The following PRKDC variants were observed in gnomAD, a reference collection of about 807,000 sequenced individuals.
The protein encoded by PRKDC is DNA-dependent protein kinase catalytic subunit.
PRKDC carries 82 observed loss-of-function variants against 486.9 expected under a neutral mutation model. That is an observed-to-expected ratio of 0.17 (90% CI 0.14 to 0.20). The LOEUF (loss-of-function observed/expected upper bound fraction) is 0.20. PRKDC is among the 10% of genes least tolerant of loss of function. The pLI is 1.00. For synonymous variants in PRKDC, 1,895 were observed against 1,837.0 expected (o/e 1.03, Z -0.81); for missense variants, 4,504 against 5,038.2 (o/e 0.89, Z 3.21).
intron 21 of PRKDC, among the ~76,000 whole-genome samples, chr8:47,918,915 T>G (rs2090030852): frequency 6.6e-6 from 1 of 152,112 alleles, no homozygotes; most frequent in African/African-American, 2.4e-5. Flanking sequence ...GTGAGCTTGA[T>G]GAGGAACAAG....
chr8:47,778,399 G>A (rs1013328083), intron 83 of PRKDC, 60 bp downstream of exon 83: 2 of 1,530,446 alleles, frequency 1.3e-6, no homozygotes, highest in Admixed American at 2.0e-5. Context: ...TCTGGAGGTT[G>A]TTGAAAGTCC....
intron 22 of PRKDC, among the ~76,000 whole-genome samples, chr8:47,917,302 C>T (rs970400461): frequency 6.6e-6 from 1 of 151,940 alleles, no homozygotes; most frequent in Non-Finnish European, 1.5e-5. Context: ...ATTTGTAAAA[C>T]TAGAGATATA....
At chr8:47,779,586 C>T (rs2154497395) in intron 80 of PRKDC, among the ~76,000 whole-genome samples, 1 of 152,274 alleles carries the variant, frequency 6.6e-6, no homozygotes, top group Admixed American at 6.5e-5. Flanking sequence ...ACCACTTCCA[C>T]ATCTTTTTCT....
intron 21 of PRKDC, among the ~76,000 whole-genome samples, chr8:47,921,954 T>C (rs1363756707): frequency 1.3e-5 from 2 of 152,056 alleles, no homozygotes; most frequent in Non-Finnish European, 1.5e-5. Flanking sequence ...ATAATTTTTG[T>C]ATTTTTAGTA....
At chr8:47,830,524 C>T in intron 61 of PRKDC, 81 bp downstream of exon 61, 1 of 1,550,976 alleles carries the variant, frequency 6.4e-7, no homozygotes, top group South Asian at 1.2e-5. Flanking sequence ...CAGCCTCAGC[C>T]ATGTTTCCTC....
At chr8:47,889,561 G>A (rs2089412603) in intron 32 of PRKDC, among the ~76,000 whole-genome samples, 1 of 152,206 alleles carries the variant, frequency 6.6e-6, no homozygotes, top group African/African-American at 2.4e-5. Context: ...TGCATCCCAG[G>A]GCCTGGCGTG....
intron 32 of PRKDC, among the ~76,000 whole-genome samples, chr8:47,889,916 C>T (rs1393944977): frequency 2.0e-5 from 3 of 152,080 alleles, no homozygotes; most frequent in East Asian, 1.9e-4. Context: ...GTAACAGATA[C>T]GTTAATTAGC....
At position 47,923,472 on chromosome 8, in the gene PRKDC, C is replaced by T. The variant is rs370089473; in HGVS notation, c.2419+3722G>A. Among the ~76,000 whole-genome samples the T allele has an allele frequency of 1.8e-4, 28 of 152,336 alleles. 1 individual carries two copies. Among genetic ancestry groups the T allele is most frequent in the African/African-American group, 6.5e-4 (27 of 41,586 alleles). ...GGAGATTCAGGCCATGTGTCTTTGA[C>T]AGAAGAGGCCCAGAGTGGCACTGAG... On this transcript the variant is annotated intron_variant, in intron 21 of 85. Transcript: ENST00000314191.
intron 7 of PRKDC, among the ~76,000 whole-genome samples, chr8:47,953,212 G>C (rs1410068120): frequency 6.6e-6 from 1 of 152,128 alleles, no homozygotes; most frequent in Non-Finnish European, 1.5e-5. Flanking sequence ...GGAGGCTGAA[G>C]TGAAGAACTG....
At chr8:47,814,937 C>T (rs981493502) in intron 68 of PRKDC, among the ~76,000 whole-genome samples, 2 of 151,990 alleles carry the variant, frequency 1.3e-5, no homozygotes, top group Non-Finnish European at 1.5e-5. Flanking sequence ...CTGAGGTGGG[C>T]GTGTTGCTTG....
intron 31 of PRKDC, among the ~76,000 whole-genome samples, chr8:47,891,983 C>T (rs1277972122): frequency 6.6e-6 from 1 of 152,010 alleles, no homozygotes; most frequent in East Asian, 1.9e-4. Context: ...ATTCTTGTGC[C>T]TCAGCCTCCC....
chr8:47,852,858 T>A, intron 51 of PRKDC, 74 bp from the exon 52 acceptor site: 6 of 1,011,420 alleles, frequency 5.9e-6, no homozygotes, highest in Non-Finnish European at 8.8e-6. Context: ...ATGACAATTT[T>A]CCTTCTCATG....
In PRKDC at chr8:47,935,786, A is replaced by T. The variant is rs377167387; in HGVS notation, c.1393T>A (p.Phe465Ile). 36 of 1,614,008 alleles carry T rather than the reference A, an allele frequency of 2.2e-5. No homozygotes were observed. In the African/African-American group the frequency reaches 4.7e-4, roughly 21 times the overall value. The change falls in exon 13 of 86, where the codon TTC (phenylalanine) becomes ATC (isoleucine). Residue 465 changes from phenylalanine (F) to isoleucine (I), a missense_variant. Phe to Ile is a conservative substitution (Grantham distance 21). This residue lies in a region of PRKDC where 1,969 missense variants were observed against 2,068.9 expected (regional missense o/e 0.95). Transcript: ENST00000314191. ...LVCCRAIVKV[F>I]LALAAKGPVL... ...GGCCCTTTTGCTGCCAAAGCTAGGA[A>T]CACCTTCACTATGGCTCTGCAACAC...
intron 68 of PRKDC, among the ~76,000 whole-genome samples, chr8:47,814,268 A>G (rs1424032547): frequency 6.6e-6 from 1 of 152,256 alleles, no homozygotes; most frequent in East Asian, 1.9e-4. Flanking sequence ...TATTTTTTAA[A>G]GCTGAGTGAG....
rs745837608 is a variant in PRKDC, at chr8:47,863,473, C to T, written c.5676G>A (p.Lys1892=). ...GGAAAACTTGATTAATTTTTGATTC[C>T]TTAGCATGAACATCATCTTTGGGAA... ...SRLPKDDVHA[K]ESKINQVFHG... is the part of the protein sequence containing the mutation. The change falls in exon 42 of 86, where the codon AAG becomes AAA. Residue 1892 remains lysine, a synonymous_variant. Coordinates refer to ENST00000314191, the MANE Select transcript of PRKDC (RefSeq NM_006904.7). The T allele has an allele frequency of 1.9e-6, 3 of 1,611,872 alleles. No individual in the cohort carries two copies. In the East Asian group the frequency reaches 6.7e-5, roughly 36 times the overall value.
chr8:47,862,023 A>G (rs988953307), intron 44 of PRKDC, 39 bp downstream of exon 44: 1 of 1,464,820 alleles, frequency 6.8e-7, no homozygotes, highest in African/African-American at 1.4e-5. Context: ...CTTTGTGAGC[A>G]CTTGATAAGT....
chr8:47,912,585 C>A (rs748717192), intron 24 of PRKDC, 23 bp from the exon 25 acceptor site: 24 of 1,558,496 alleles, frequency 1.5e-5, no homozygotes, highest in Non-Finnish European at 2.0e-5. Flanking sequence ...AGGAGGTCAG[C>A]AATGTTTAAG....
At chr8:47,879,401 TG>T in intron 39 of PRKDC, 89 bp downstream of exon 39, 1 of 1,209,180 alleles carries the variant, frequency 8.3e-7, no homozygotes, top group Non-Finnish European at 1.1e-6. Context: ...TCTCTGATTG[TG>T]GATATTTTAC....
chr8:47,830,676 G>A lies in PRKDC; in HGVS notation c.8326C>T (p.Arg2776Trp), dbSNP rs370862896. 4.2e-5 allele frequency: 68 copies of A among 1,613,784 alleles called. No individual in the cohort carries two copies. Among genetic ancestry groups the A allele is most frequent in the Non-Finnish European group, 5.4e-5 (64 of 1,179,888 alleles). The change falls in exon 61 of 86, where the codon CGG becomes TGG. Residue 2776 changes from arginine (R) to tryptophan (W), a missense_variant. Physicochemically the swap from Arg to Trp is moderately radical, Grantham distance 101. This residue lies in a region of PRKDC where 1,592 missense variants were observed against 1,724.6 expected (regional missense o/e 0.92). Coordinates refer to ENST00000314191, the MANE Select transcript of PRKDC (RefSeq NM_006904.7). ...TGAATGTCAGGAAGGTCTCCGTGCCGGTAGCTTCTGTACAGAACGACCTGG... is the reference window on the plus strand; with the variant it reads ...TGAATGTCAGGAAGGTCTCCGTGCCAGTAGCTTCTGTACAGAACGACCTGG... ...DAQVVLYRSY[R>W]HGDLPDIQIK...
Sources: allele counts gnomAD v4.1 joint callset (sites outside exome capture counted in the v4.1 genomes callset), GRCh38; gene constraint gnomAD v4.1.1; regional missense constraint gnomAD v4.1.1; transcripts MANE v1.5; gene names NCBI Gene and HGNC (gene_info 2026-07-23, HGNC 2026-07-21).